The following ZNF235 variants were observed in gnomAD, a reference collection of about 807,000 sequenced individuals.
The protein encoded by ZNF235 is zinc finger protein 235.
A neutral mutation model predicts 29.4 loss-of-function variants in ZNF235; 25 were observed. The ratio of observed to expected loss-of-function variants is 0.85; its 90% CI spans 0.62 to 1.19. The LOEUF (loss-of-function observed/expected upper bound fraction) is 1.19. Ranked by LOEUF, ZNF235 falls within the 50% of genes most tolerant of loss-of-function variation. ZNF235 has a pLI of 0.00. For missense variants in ZNF235, 788 were observed against 885.0 expected, an observed-to-expected ratio of 0.89 and a Z score of 1.39; for synonymous variants, 300 against 295.3, an observed-to-expected ratio of 1.02 and a Z score of -0.16.
At chr19:44,292,300 T>C (rs1010245064) in intron 4 of ZNF235, among the ~76,000 whole-genome samples, 19 of 151,580 alleles carry the variant, frequency 1.3e-4, no homozygotes, top group Non-Finnish European at 2.4e-4. Flanking sequence ...CTCAATGAGA[T>C]ACAAAAGAAA....
chr19:44,288,304 A>G lies in ZNF235; in HGVS notation c.1131T>C (p.Cys377=), dbSNP rs144740367. Residue 377 remains cysteine, a synonymous_variant, in exon 5 of 5, where the codon TGT becomes TGC. Coordinates refer to ENST00000291182, the MANE Select transcript of ZNF235 (RefSeq NM_004234.4). ...GACTGAAGCCCTTCCCACAACTGTC[A>G]CATCTATAGGGCTTCTCTCCTGTGT... ...PIHTGEKPYR[C]DSCGKGFSRS... The G allele has an allele frequency of 1.1e-4, 184 of 1,614,106 alleles. 1 individual carries two copies. The Middle Eastern group carries it at 2.5e-3, about 22-fold the overall frequency.
rs147262436 is a variant in ZNF235 at position 44,293,601 on chromosome 19, T to C, written c.239-4405A>G. Among the ~76,000 whole-genome samples, 656 of 152,138 alleles carry C rather than the reference T, an allele frequency of 4.3e-3. 2 individuals are homozygous for C. Among genetic ancestry groups the C allele is most frequent in the Non-Finnish European group, 7.2e-3 (488 of 67,930 alleles). ...TAACAGACATTTACAGAACATTCTA[T>C]CCAACATCAGAATATACACTCTTCT... On this transcript the variant is annotated intron_variant, in intron 4 of 4. Transcript: ENST00000291182.
intron 2 of ZNF235, among the ~76,000 whole-genome samples, chr19:44,303,005 TAC>T (rs1568647739): frequency 5.1e-4 from 70 of 136,590 alleles, no homozygotes; most frequent in African/African-American, 1.7e-3. Context: ...TATACATATA[TAC>T]GTATATATTT....
rs914216011 is a variant in ZNF235, at chr19:44,289,384, A to G, written c.239-188T>C. 7.1e-6 allele frequency: 4 copies of G among 566,948 alleles called. No homozygotes were observed. In the Admixed American group the frequency reaches 1.4e-4, roughly 20 times the overall value. The allele number at this position is 566,948 out of a possible 1,614,324, so 35.1% of individuals were successfully genotyped here. ...AGAACACCAAATGTTTTAAAAAGCC[A>G]TATTTAAGATAGAAAATTTGAGATC... On this transcript the variant is annotated intron_variant, in intron 4 of 4. Transcript: ENST00000291182.
intron 3 of ZNF235, 101 bp from the exon 4 acceptor site, chr19:44,299,004 G>T: frequency 1.3e-6 from 1 of 741,604 alleles, no homozygotes; most frequent in Non-Finnish European, 2.2e-6. Context: ...GCCCCAGCAT[G>T]CAATGTTTAG....
intron 3 of ZNF235, 151 bp downstream of exon 3, chr19:44,299,455 G>C (rs1202524554): frequency 2.2e-6 from 2 of 913,896 alleles, no homozygotes; most frequent in African/African-American, 3.3e-5. Context: ...CAGTCCCAAA[G>C]CCTTGAACAA....
chr19:44,298,176 G>A (rs1445715397), intron 4 of ZNF235, among the ~76,000 whole-genome samples: 2 of 152,104 alleles, frequency 1.3e-5, no homozygotes, highest in Admixed American at 6.6e-5. Flanking sequence ...TCCAGCCAGA[G>A]AATAGAAAGT....
chr19:44,289,451 G>A (rs1043998573), intron 4 of ZNF235: 2 of 380,702 alleles, frequency 5.3e-6, no homozygotes, highest in Non-Finnish European at 9.4e-6. Flanking sequence ...TCTTTTCTGA[G>A]TATGAGTCTT....
intron 3 of ZNF235, 49 bp from the exon 4 acceptor site, chr19:44,298,952 G>GA (rs777202669): frequency 1.7e-4 from 239 of 1,432,120 alleles, no homozygotes; most frequent in Middle Eastern, 7.1e-4. Flanking sequence ...AAAGAGTACT[G>GA]AAAAAATCTG....
intron 1 of ZNF235, 98 bp from the exon 2 acceptor site, chr19:44,303,550 G>T: frequency 9.0e-7 from 1 of 1,105,398 alleles, no homozygotes; most frequent in Non-Finnish European, 1.3e-6. Context: ...CCTGTCTCTA[G>T]GCAGACACAG....
chr19:44,288,541 C>T lies in ZNF235; in HGVS notation c.894G>A (p.Lys298=), dbSNP rs1381303611. ...GAATACCTGAGCTATAACTGGTGTC[C>T]TTCTCATGTGTACTACACGCTGGAG... The part of the protein sequence containing the change: ...KKSPACSTHE[K]DTSYSSGIPV... The change falls in exon 5 of 5, where the codon AAG becomes AAA. Residue 298 remains lysine (K), a synonymous_variant. Coordinates refer to ENST00000291182, the MANE Select transcript of ZNF235 (RefSeq NM_004234.4). The T allele has an allele frequency of 2.5e-6, 4 of 1,614,102 alleles. No homozygotes were observed. In the South Asian group the frequency reaches 3.3e-5, roughly 13 times the overall value.
At chr19:44,304,619 T>C (rs1975803675) in intron 1 of ZNF235, 1 of 671,222 alleles carries the variant, frequency 1.5e-6, no homozygotes, top group African/African-American at 2.0e-5. Context: ...CCTCATTTAA[T>C]TCTCACAAGA....
rs1975521456 is a variant in ZNF235, at chr19:44,288,121, T to C, written c.1314A>G (p.Lys438=). 6.2e-7 allele frequency: 1 copy of C among 1,613,692 alleles called. No homozygotes were observed. The highest frequency in any genetic ancestry group is 8.5e-7 in the Non-Finnish European group (1 of 1,179,944). The stretch of plus-strand genomic sequence containing the variant: ...GAAGATTTGAGCTACAACTAAAGCG[T>C]TTACCACAATCCCCACATTTATATG... ...EKPYKCGDCG[K]RFSCSSNLHT... The change falls in exon 5 of 5, where the codon AAA becomes AAG. Residue 438 remains lysine (K), a synonymous_variant. Coordinates refer to ENST00000291182, the MANE Select transcript of ZNF235 (RefSeq NM_004234.4).
intron 2 of ZNF235, among the ~76,000 whole-genome samples, chr19:44,301,276 C>A (rs1261795449): frequency 1.3e-5 from 2 of 152,096 alleles, no homozygotes; most frequent in East Asian, 3.9e-4. Flanking sequence ...GAAGACACTG[C>A]ACATCCCTGC....
chr19:44,302,038 G>A (rs911605674), intron 2 of ZNF235, among the ~76,000 whole-genome samples: 8 of 152,066 alleles, frequency 5.3e-5, no homozygotes, highest in Non-Finnish European at 1.0e-4. Context: ...TATAATACAA[G>A]GTTTTACTTA....
At chr19:44,297,446 T>A (rs963764932) in intron 4 of ZNF235, 1 of 152,908 alleles carries the variant, frequency 6.5e-6, no homozygotes, top group African/African-American at 2.4e-5. Flanking sequence ...TTAAACCCAA[T>A]ACTGACAGAA....
chr19:44,299,866 C>A, intron 2 of ZNF235, 134 bp from the exon 3 acceptor site: 3 of 1,368,680 alleles, frequency 2.2e-6, no homozygotes, highest in Non-Finnish European at 3.1e-6. Context: ...AAGGAAAACA[C>A]CTTGTACATG....
intron 4 of ZNF235, chr19:44,297,095 A>G (rs1487549383): frequency 6.5e-6 from 1 of 152,882 alleles, no homozygotes; most frequent in Non-Finnish European, 1.5e-5. Context: ...CGCCATTACC[A>G]AGACCAAGAT....
intron 4 of ZNF235, among the ~76,000 whole-genome samples, chr19:44,294,408 G>T (rs1975625954): frequency 6.6e-6 from 1 of 152,012 alleles, no homozygotes; most frequent in Admixed American, 6.6e-5. Context: ...AATGAGCAGT[G>T]AGATTGAATC....
Sources: gnomAD v4.1 joint callset for allele counts (sites outside exome capture counted in the v4.1 genomes callset) on GRCh38, gnomAD v4.1.1 for gene constraint, MANE v1.5 for transcripts, NCBI Gene and HGNC (gene_info 2026-07-23, HGNC 2026-07-21) for gene names.